The following SPAG9 variants were observed in gnomAD, a reference collection of about 807,000 sequenced individuals.
SPAG9 encodes the protein C-Jun-amino-terminal kinase-interacting protein 4.
SPAG9 carries 35 observed loss-of-function variants against 166.5 expected under a neutral mutation model. The ratio of observed to expected loss-of-function variants is 0.21; its 90% CI spans 0.16 to 0.28. SPAG9 has a LOEUF of 0.28. Among genes scored for constraint, SPAG9 ranks in the 10% least tolerant of loss-of-function variants. The pLI, the probability that SPAG9 is intolerant of heterozygous loss-of-function variation, is 1.00. For missense variants in SPAG9, 1,235 were observed against 1,603.3 expected (o/e 0.77, Z 3.92); for synonymous variants, 534 against 565.5 (o/e 0.94, Z 0.79).
At chr17:51,061,411 G>A (rs1337183111) in intron 2 of SPAG9, among the ~76,000 whole-genome samples, 1 of 151,904 alleles carries the variant, frequency 6.6e-6, no homozygotes, top group Non-Finnish European at 1.5e-5. Flanking sequence ...TCAGCAGTTC[G>A]AGACCAGCCT....
chr17:51,120,558 G>A lies in SPAG9; in HGVS notation c.99C>T (p.Arg33=), dbSNP rs1299619191. The change falls in exon 1 of 30, where the codon CGC becomes CGT. Residue 33 remains arginine, a synonymous_variant. Coordinates refer to ENST00000262013, the MANE Select transcript of SPAG9 (RefSeq NM_001130528.3). The surrounding 1 kb of genome is among the most constrained non-coding windows in gnomAD (Gnocchi z 4.7). ...AGCGCCCGATAAGCCGCTCGAACTC[G>A]CGGTAGATGGAGCCGGCCAGGCCGG... ...RVSGLAGSIY[R]EFERLIGRYD... The A allele has an allele frequency of 3.1e-6, 5 of 1,613,738 alleles. No homozygotes were observed. The highest frequency in any genetic ancestry group is 4.2e-6 in the Non-Finnish European group (5 of 1,179,830).
At position 51,102,288 on chromosome 17, in the gene SPAG9, C is replaced by T. The variant is rs576371731; in HGVS notation, c.303+18066G>A. 3.3e-5 allele frequency among the ~76,000 whole-genome samples: 5 copies of T among 151,668 alleles called. No homozygotes were observed. In the South Asian group the frequency reaches 6.2e-4, roughly 19 times the overall value. On this transcript the variant is annotated intron_variant, in intron 1 of 29. Transcript: ENST00000262013. ...GCATGGTGGCACACGCCTGTAGTCCCAGCTACTTGGAAGGCTGAGGCACGA... is the reference window on the plus strand; with the variant it reads ...GCATGGTGGCACACGCCTGTAGTCCTAGCTACTTGGAAGGCTGAGGCACGA...
chr17:51,006,032 T>G lies in SPAG9; in HGVS notation c.1424+53A>C. ...GTCTCAGGGTTACATCTGTAACCCTTTGTGGCATAACTGGCAAAGAGTTTG... is the reference window on the plus strand; with the variant it reads ...GTCTCAGGGTTACATCTGTAACCCTGTGTGGCATAACTGGCAAAGAGTTTG... On this transcript the variant is annotated intron_variant, in intron 11 of 29. Coordinates refer to ENST00000262013, the MANE Select transcript of SPAG9 (RefSeq NM_001130528.3). 4 of 1,592,188 alleles carry G rather than the reference T, an allele frequency of 2.5e-6. No individual in the cohort carries two copies. The South Asian group carries it at 4.5e-5, about 18-fold the overall frequency.
chr17:51,088,257 T>C (rs2048353227), intron 1 of SPAG9, among the ~76,000 whole-genome samples: 1 of 152,160 alleles, frequency 6.6e-6, no homozygotes, highest in African/African-American at 2.4e-5. Flanking sequence ...CAATGCCTAT[T>C]CTCCAAATGC....
At chr17:51,116,147 G>A (rs1451386067) in intron 1 of SPAG9, among the ~76,000 whole-genome samples, 3 of 152,056 alleles carry the variant, frequency 2.0e-5, no homozygotes, top group Admixed American at 6.6e-5. Flanking sequence ...CCGGGTTCAA[G>A]CAATTCTTCT....
At chr17:51,049,503 C>T (rs2047123106) in intron 3 of SPAG9, among the ~76,000 whole-genome samples, 1 of 151,960 alleles carries the variant, frequency 6.6e-6, no homozygotes, top group African/African-American at 2.4e-5. Flanking sequence ...CAGGGAGACC[C>T]TGTCTCTACA....
At position 50,995,659 on chromosome 17, in the gene SPAG9, G is replaced by A. The variant is rs185330150; in HGVS notation, c.1969-126C>T. On this transcript the variant is annotated intron_variant, in intron 16 of 29. Coordinates refer to ENST00000262013, the MANE Select transcript of SPAG9 (RefSeq NM_001130528.3). Reference sequence around the variant, plus strand: ...ATTTACTCCTTGAAATCAAGTTCAGGTTTTTTGTTTTTTTGTTTTTTTGAG... The same window carrying A: ...ATTTACTCCTTGAAATCAAGTTCAGATTTTTTGTTTTTTTGTTTTTTTGAG... The A allele has an allele frequency of 9.4e-5, 63 of 668,664 alleles. No homozygotes were observed. The East Asian group carries it at 1.7e-3, about 18-fold the overall frequency. The allele number at this position is 668,664 out of a possible 1,614,324, so 41.4% of individuals were successfully genotyped here.
At chr17:51,036,916 T>C (rs2046609828) in intron 5 of SPAG9, among the ~76,000 whole-genome samples, 1 of 152,220 alleles carries the variant, frequency 6.6e-6, no homozygotes, top group African/African-American at 2.4e-5. Flanking sequence ...TTACGCTTTA[T>C]AGTAAATCTT....
At chr17:51,058,894 T>C (rs936771144) in intron 2 of SPAG9, among the ~76,000 whole-genome samples, 1 of 152,250 alleles carries the variant, frequency 6.6e-6, no homozygotes, top group African/African-American at 2.4e-5. Flanking sequence ...AAGTTTCGAA[T>C]GTTTGCCAAC....
intron 25 of SPAG9, among the ~76,000 whole-genome samples, chr17:50,981,529 GAA>G (rs1491122984): frequency 1.3e-5 from 2 of 148,630 alleles, no homozygotes; most frequent in Non-Finnish European, 3.0e-5. Flanking sequence ...TAGATAGATA[GAA>G]AGAAAGAAAG....
intron 1 of SPAG9, among the ~76,000 whole-genome samples, chr17:51,105,542 C>A (rs1187061199): frequency 6.6e-6 from 1 of 152,166 alleles, no homozygotes; most frequent in Admixed American, 6.6e-5. Flanking sequence ...TTAACCTTTT[C>A]TTCTTCCCTT....
intron 26 of SPAG9, among the ~76,000 whole-genome samples, chr17:50,978,116 T>C (rs1418205379): frequency 6.6e-6 from 1 of 152,252 alleles, no homozygotes; most frequent in East Asian, 1.9e-4. Flanking sequence ...TTTTTACAAC[T>C]GATCTTATTT....
At chr17:51,005,145 A>C in intron 12 of SPAG9, 67 bp downstream of exon 12, 1 of 1,329,816 alleles carries the variant, frequency 7.5e-7, no homozygotes, top group African/African-American at 1.5e-5. Context: ...AAGCTTACGT[A>C]GGAAGATCTT....
chr17:51,009,294 G>A (rs957393480), intron 9 of SPAG9, among the ~76,000 whole-genome samples: 2 of 152,064 alleles, frequency 1.3e-5, no homozygotes, highest in African/African-American at 4.8e-5. Context: ...ACAATGAAGT[G>A]TAAATATTTA....
In SPAG9 at chr17:50,964,699, TAA is replaced by T; in HGVS notation, c.*1571_*1572del. On this transcript the variant is annotated 3_prime_UTR_variant, in exon 30 of 30. Transcript: ENST00000262013. ...GGAAAAAATTGCAGCATCGTGGTTTTAAAAAACTTATTAAGCAAGAAAATCAG... is the reference window on the plus strand; with the variant it reads ...GGAAAAAATTGCAGCATCGTGGTTTTAAAACTTATTAAGCAAGAAAATCAG... 1 of 449,440 alleles carries T rather than the reference TAA, an allele frequency of 2.2e-6. No individual in the cohort carries two copies. The highest frequency in any genetic ancestry group is 4.5e-6 in the Non-Finnish European group (1 of 223,760). 27.8% of individuals were successfully genotyped at this position (449,440 alleles called of 1,614,324 possible).
chr17:51,026,668 T>C (rs1259235612), intron 6 of SPAG9, among the ~76,000 whole-genome samples: 2 of 141,250 alleles, frequency 1.4e-5, no homozygotes, highest in East Asian at 2.0e-4. Flanking sequence ...CTTTTCTTTT[T>C]CTTTTCTTTT....
Position 51,051,525 on chromosome 17 carries a change from G to A in SPAG9, c.496-4056C>T, listed in dbSNP as rs571617235. 2.6e-5 allele frequency among the ~76,000 whole-genome samples: 4 copies of A among 151,634 alleles called. No individual in the cohort carries two copies. In the South Asian group the frequency reaches 8.5e-4, roughly 32 times the overall value. ...ACTTGAGGCCAGGAGTTTAAGACCA[G>A]CCTGGACAACATGGTGAAACCCAGT... On this transcript the variant is annotated intron_variant, in intron 3 of 29. Coordinates refer to ENST00000262013, the MANE Select transcript of SPAG9 (RefSeq NM_001130528.3).
chr17:51,078,015 A>G (rs2048065233), intron 2 of SPAG9, among the ~76,000 whole-genome samples: 1 of 151,608 alleles, frequency 6.6e-6, no homozygotes, highest in Non-Finnish European at 1.5e-5. Flanking sequence ...GGCTGGTCTC[A>G]AACTCCAAGG....
intron 3 of SPAG9, among the ~76,000 whole-genome samples, chr17:51,049,478 C>A (rs1041715977): frequency 6.6e-6 from 1 of 151,998 alleles, no homozygotes; most frequent in African/African-American, 2.4e-5. Flanking sequence ...GAGTTTGAGA[C>A]CAACCTGAGC....
Sources: allele counts gnomAD v4.1 joint callset (sites outside exome capture counted in the v4.1 genomes callset), GRCh38; gene constraint gnomAD v4.1.1; non-coding constraint Gnocchi (gnomAD v3.1); transcripts MANE v1.5; gene names NCBI Gene and HGNC (gene_info 2026-07-23, HGNC 2026-07-21).